PTPRT: variants seen among roughly 807,000 people sequenced by gnomAD.
PTPRT encodes receptor-type tyrosine-protein phosphatase T.
A neutral mutation model predicts 176.8 loss-of-function variants in PTPRT; 56 were observed. The observed-to-expected ratio is 0.32, with a 90% CI of 0.26 to 0.40. The LOEUF (loss-of-function observed/expected upper bound fraction) is 0.40, where lower values mean the gene tolerates loss of function less well. PTPRT is among the 10% of genes least tolerant of loss of function. The pLI is 1.00. For missense variants in PTPRT, 1,540 were observed against 1,908.2 expected (o/e 0.81, Z 3.60); for synonymous variants, 783 against 739.0 (o/e 1.06, Z -0.96).
chr20:42,469,837 G>A (rs1173237183), intron 8 of PTPRT, among the ~76,000 whole-genome samples: 6 of 152,096 alleles, frequency 3.9e-5, no homozygotes, highest in Non-Finnish European at 1.5e-5. Context: ...GGACATGGTG[G>A]AAGTGAGAAT....
chr20:42,687,277 C>G (rs2075713987), intron 6 of PTPRT: 1 of 152,152 alleles, frequency 6.6e-6, no homozygotes, highest in Admixed American at 6.5e-5. Context: ...AGTGTGTACT[C>G]CTGCCAAAAC....
chr20:42,290,672 G>A (rs1292395873), intron 12 of PTPRT, among the ~76,000 whole-genome samples: 2 of 151,214 alleles, frequency 1.3e-5, no homozygotes, highest in East Asian at 3.9e-4. Context: ...TATTTATTTT[G>A]GTAGGCTGTT....
At chr20:42,873,454 G>A (rs148370184) in intron 2 of PTPRT, among the ~76,000 whole-genome samples, 1 of 152,262 alleles carries the variant, frequency 6.6e-6, no homozygotes, top group African/African-American at 2.4e-5. Flanking sequence ...CTGTTGGTGG[G>A]AATACAAGTG....
chr20:42,417,681 T>C (rs997866435), intron 9 of PTPRT, among the ~76,000 whole-genome samples: 1 of 150,448 alleles, frequency 6.6e-6, no homozygotes, highest in Admixed American at 6.7e-5. Flanking sequence ...GTATCTAGCA[T>C]GCCCAAGATG....
At chr20:42,701,582 T>C (rs533549219) in intron 6 of PTPRT, among the ~76,000 whole-genome samples, 5 of 152,236 alleles carry the variant, frequency 3.3e-5, no homozygotes, top group South Asian at 2.1e-4. Context: ...GGGGTTTACA[T>C]TGAGAATTGC....
intron 2 of PTPRT, among the ~76,000 whole-genome samples, chr20:42,837,676 G>A (rs373113418): frequency 1.3e-5 from 2 of 152,142 alleles, no homozygotes; most frequent in East Asian, 3.9e-4. Context: ...CCATTGCTGG[G>A]TCCTCAGAGC....
At chr20:42,844,406 C>T (rs1023032244) in intron 2 of PTPRT, among the ~76,000 whole-genome samples, 1 of 152,198 alleles carries the variant, frequency 6.6e-6, no homozygotes, top group African/African-American at 2.4e-5. Flanking sequence ...CCATAGCATC[C>T]ACATTACCAT....
chr20:42,656,310 A>G (rs2075124195), intron 7 of PTPRT, among the ~76,000 whole-genome samples: 1 of 152,162 alleles, frequency 6.6e-6, no homozygotes, highest in Non-Finnish European at 1.5e-5. Context: ...AGCCAAGCCT[A>G]AAGGAAAGAT....
intron 6 of PTPRT, among the ~76,000 whole-genome samples, chr20:42,711,873 C>A (rs959867991): frequency 6.6e-6 from 1 of 151,810 alleles, no homozygotes; most frequent in African/African-American, 2.4e-5. Flanking sequence ...CAGATGAAAT[C>A]ATTGGCTCAA....
At chr20:42,661,062 C>T (rs1437758378) in intron 7 of PTPRT, among the ~76,000 whole-genome samples, 1 of 151,978 alleles carries the variant, frequency 6.6e-6, no homozygotes, top group Non-Finnish European at 1.5e-5. Flanking sequence ...TATTGGCCAG[C>T]CTGGTCTAGA....
intron 15 of PTPRT, among the ~76,000 whole-genome samples, chr20:42,212,345 T>G (rs1361345901): frequency 6.9e-6 from 1 of 144,494 alleles, no homozygotes; most frequent in Non-Finnish European, 1.5e-5. Flanking sequence ...TTCAATGTGT[T>G]GGGAAGTCAC....
chr20:42,724,648 C>G (rs766623490), intron 6 of PTPRT, among the ~76,000 whole-genome samples: 23 of 152,178 alleles, frequency 1.5e-4, no homozygotes, highest in Non-Finnish European at 2.4e-4. Context: ...ATAATCTCTT[C>G]ATGCCTAGAC....
intron 7 of PTPRT, among the ~76,000 whole-genome samples, chr20:42,560,224 C>T (rs1378041757): frequency 1.3e-5 from 2 of 152,232 alleles, no homozygotes; most frequent in Admixed American, 1.3e-4. Flanking sequence ...CTCTTGGTTT[C>T]GAACTTCTGG....
chr20:42,154,873 G>A (rs560544342), intron 17 of PTPRT, among the ~76,000 whole-genome samples: 7 of 152,282 alleles, frequency 4.6e-5, no homozygotes, highest in South Asian at 4.1e-4. Flanking sequence ...GGGGAAGCAG[G>A]CTGGGGAGGA....
intron 9 of PTPRT, among the ~76,000 whole-genome samples, chr20:42,375,143 G>T (rs527602391): frequency 6.6e-6 from 1 of 152,194 alleles, no homozygotes; most frequent in African/African-American, 2.4e-5. Context: ...TTGTAATTGG[G>T]GTGTGTGTGT....
At chr20:43,059,266 A>T (rs1757938784) in intron 1 of PTPRT, among the ~76,000 whole-genome samples, 1 of 152,138 alleles carries the variant, frequency 6.6e-6, no homozygotes, top group African/African-American at 2.4e-5. Context: ...AGAATTTTTC[A>T]AATCTCTAAG....
chr20:42,451,079 A>C (rs2070819058), intron 8 of PTPRT, among the ~76,000 whole-genome samples: 1 of 152,134 alleles, frequency 6.6e-6, no homozygotes, highest in African/African-American at 2.4e-5. Flanking sequence ...GGGTGGAAGG[A>C]GAAAAATCAG....
chr20:42,816,393 A>G (rs988049475), intron 2 of PTPRT, among the ~76,000 whole-genome samples: 3 of 152,228 alleles, frequency 2.0e-5, no homozygotes, highest in African/African-American at 7.2e-5. Flanking sequence ...CACAGTAAGA[A>G]TAATGGAAGA....
chr20:42,176,169 T>G (rs2146565076), intron 16 of PTPRT, among the ~76,000 whole-genome samples: 1 of 152,256 alleles, frequency 6.6e-6, no homozygotes, highest in East Asian at 1.9e-4. Context: ...CTGGAAACAC[T>G]CATTTGTTAG....
Sources: allele counts gnomAD v4.1 joint callset (sites outside exome capture counted in the v4.1 genomes callset), GRCh38; gene constraint gnomAD v4.1.1; transcripts MANE v1.5; gene names NCBI Gene and HGNC (gene_info 2026-07-23, HGNC 2026-07-21).